Variants in HDAC9 observed in about 807,000 individuals in gnomAD.
The protein encoded by HDAC9 is MEF-2 interacting transcription repressor (MITR) protein.
HDAC9 carries 41 observed loss-of-function variants against 139.4 expected under a neutral mutation model. The observed-to-expected ratio is 0.29, with a 90% CI of 0.23 to 0.38. The LOEUF (loss-of-function observed/expected upper bound fraction) is 0.38. Ranked by LOEUF, HDAC9 falls within the 10% of genes least tolerant of loss-of-function variation. HDAC9 has a pLI of 1.00. For missense variants in HDAC9, 1,147 were observed against 1,297.0 expected, an observed-to-expected ratio of 0.88 and a Z score of 1.78; for synonymous variants, 517 against 476.2, an observed-to-expected ratio of 1.09 and a Z score of -1.12.
intron 2 of HDAC9, among the ~76,000 whole-genome samples, chr7:18,263,815 C>T (rs976595710): frequency 6.6e-6 from 1 of 151,980 alleles, no homozygotes; most frequent in African/African-American, 2.4e-5. Context: ...GATGGGGTTT[C>T]GCCATGTTCA....
rs570098075 is a variant in HDAC9, at chr7:19,001,820, C to T, written c.*5758C>T. ...AGGTTACAGCCTCAGCAATCTGTGT[C>T]ATTTGAAAGCAAATATCCTGATATT... On this transcript the variant is annotated 3_prime_UTR_variant, in exon 26 of 26. Coordinates refer to ENST00000686413, the MANE Select transcript of HDAC9 (RefSeq NM_178425.4). 6 of 152,160 alleles carry T rather than the reference C, an allele frequency of 3.9e-5. No individual in the cohort carries two copies. The highest frequency in any genetic ancestry group is 2.1e-4 in the South Asian group (1 of 4,822). The allele number at this position is 152,160 out of a possible 1,614,324, so 9.4% of individuals were successfully genotyped here. A position where few individuals can be genotyped will look rare whatever the true frequency, so the allele number is the denominator to read the frequency against.
At chr7:18,658,906 A>C (rs1792186511) in intron 11 of HDAC9, among the ~76,000 whole-genome samples, 1 of 151,466 alleles carries the variant, frequency 6.6e-6, no homozygotes, top group Admixed American at 6.6e-5. Flanking sequence ...AAGCAAAAAA[A>C]AAAAAAACAA....
At chr7:18,514,630 A>G (rs922641231) in intron 2 of HDAC9, among the ~76,000 whole-genome samples, 2 of 152,162 alleles carry the variant, frequency 1.3e-5, no homozygotes, top group African/African-American at 2.4e-5. Context: ...TTTTTTCCCC[A>G]GTTTATTTTA....
At chr7:18,251,405 A>C (rs1198053783) in intron 2 of HDAC9, among the ~76,000 whole-genome samples, 1 of 152,088 alleles carries the variant, frequency 6.6e-6, no homozygotes, top group Admixed American at 6.5e-5. Flanking sequence ...TAGCTAATGG[A>C]TTCTGGGCTT....
rs757689693 is a variant in HDAC9, at chr7:18,719,331, C to CTTTTTTTTTTTTTTTTTTTTTT, written c.1732-8244_1732-8223dup. On this transcript the variant is annotated intron_variant, in intron 12 of 25. Coordinates refer to ENST00000686413, the MANE Select transcript of HDAC9 (RefSeq NM_178425.4). ...CTAATTAACCTATTTTTTTCTCTTC[C>CTTTTTTTTTTTTTTTTTTTTTT]TTTTTTTTTTTTTTTTTTTTTTTTT... 1.2e-3 allele frequency among the ~76,000 whole-genome samples: 90 copies of CTTTTTTTTTTTTTTTTTTTTTT among 73,910 alleles called. 7 individuals carry two copies. Among genetic ancestry groups the CTTTTTTTTTTTTTTTTTTTTTT allele is most frequent in the East Asian group, 2.2e-3 (5 of 2,232 alleles). 48.5% of individuals were successfully genotyped at this position (73,910 alleles called of 152,430 possible). A position where few individuals can be genotyped will look rare whatever the true frequency, so the allele number is the denominator to read the frequency against.
intron 2 of HDAC9, 141 bp from the exon 3 acceptor site, chr7:18,585,140 G>A (rs1045678893): frequency 4.4e-6 from 4 of 899,284 alleles, no homozygotes; most frequent in Admixed American, 4.6e-5. Flanking sequence ...TATCATCATT[G>A]TAAAGAAATG....
At chr7:18,721,263 T>A (rs1420657513) in intron 12 of HDAC9, among the ~76,000 whole-genome samples, 1 of 152,150 alleles carries the variant, frequency 6.6e-6, no homozygotes, top group South Asian at 2.1e-4. Context: ...TGTATCTCTC[T>A]CCTATTGCCC....
intron 2 of HDAC9, among the ~76,000 whole-genome samples, chr7:18,163,708 T>G (rs1448033724): frequency 2.0e-5 from 3 of 152,214 alleles, no homozygotes; most frequent in Non-Finnish European, 4.4e-5. Flanking sequence ...TTCTTTCTGT[T>G]GGGATGAACT....
At chr7:18,353,187 T>C (rs2128676828) in intron 1 of HDAC9, among the ~76,000 whole-genome samples, 1 of 152,290 alleles carries the variant, frequency 6.6e-6, no homozygotes, top group Non-Finnish European at 1.5e-5. Context: ...TCTTCAGCAC[T>C]ATCTAGCTAT....
intron 25 of HDAC9, among the ~76,000 whole-genome samples, chr7:18,994,314 G>A (rs1055315468): frequency 6.6e-6 from 1 of 152,316 alleles, no homozygotes; most frequent in South Asian, 2.1e-4. Context: ...ATTCTCAGAT[G>A]TAAATAAGGC....
intron 1 of HDAC9, among the ~76,000 whole-genome samples, chr7:18,149,744 C>G (rs1176615665): frequency 6.6e-6 from 1 of 151,912 alleles, no homozygotes; most frequent in Non-Finnish European, 1.5e-5. Flanking sequence ...TTAGTAGAGA[C>G]AGGGTTTCAC....
At chr7:18,263,421 G>T (rs560561859) in intron 2 of HDAC9, among the ~76,000 whole-genome samples, 1 of 152,224 alleles carries the variant, frequency 6.6e-6, no homozygotes, top group Non-Finnish European at 1.5e-5. Context: ...TTAAAAGAAA[G>T]GTACTGAGGT....
chr7:18,099,319 T>C lies in HDAC9; in HGVS notation c.-97+12106T>C, dbSNP rs376016351. Among the ~76,000 whole-genome samples, 42 of 151,836 alleles carry C rather than the reference T, an allele frequency of 2.8e-4. No homozygotes were observed. The South Asian group carries it at 4.8e-3, about 17-fold the overall frequency. Reference sequence around the variant, plus strand: ...TACTAAAAATACAAAAAAGAAAAAATTAGCTGGGTGCGGTGGTGGGCACCT... The same window carrying C: ...TACTAAAAATACAAAAAAGAAAAAACTAGCTGGGTGCGGTGGTGGGCACCT... On this transcript the variant is annotated intron_variant, in intron 1 of 12. Coordinates refer to the HDAC9 transcript ENST00000417496.
chr7:18,170,576 T>G (rs563007609), intron 2 of HDAC9, among the ~76,000 whole-genome samples: 46 of 152,312 alleles, frequency 3.0e-4, no homozygotes, highest in African/African-American at 9.4e-4. Flanking sequence ...TTTTATGGTT[T>G]TAGGTCTAAC....
intron 1 of HDAC9, among the ~76,000 whole-genome samples, chr7:18,459,695 A>G (rs1227024035): frequency 6.7e-6 from 1 of 149,450 alleles, no homozygotes; most frequent in Non-Finnish European, 1.5e-5. Context: ...ATTATGCTGG[A>G]GCCTAGTAGA....
At chr7:18,098,781 G>C (rs1366859309) in intron 1 of HDAC9, among the ~76,000 whole-genome samples, 4 of 152,148 alleles carry the variant, frequency 2.6e-5, no homozygotes, top group African/African-American at 4.8e-5. Context: ...TTGTAGATGT[G>C]CTCTTGAATA....
At chr7:18,272,968 T>C (rs376255958) in intron 2 of HDAC9, among the ~76,000 whole-genome samples, 1 of 137,020 alleles carries the variant, frequency 7.3e-6, no homozygotes, top group South Asian at 2.3e-4. Context: ...ACTACTACTA[T>C]TTCTTCCTCC....
chr7:18,197,799 A>G (rs1053817224), intron 2 of HDAC9, among the ~76,000 whole-genome samples: 3 of 152,146 alleles, frequency 2.0e-5, no homozygotes, highest in African/African-American at 7.2e-5. Flanking sequence ...ATTTGTAGAC[A>G]TTGTTTTTTC....
chr7:18,284,245 A>G (rs1797289829), intron 2 of HDAC9, among the ~76,000 whole-genome samples: 1 of 152,180 alleles, frequency 6.6e-6, no homozygotes, highest in Non-Finnish European at 1.5e-5. Context: ...ATAGAATTAT[A>G]AATTTAATTT....
Sources: allele counts gnomAD v4.1 joint callset (sites outside exome capture counted in the v4.1 genomes callset), GRCh38; gene constraint gnomAD v4.1.1; transcripts MANE v1.5; gene names NCBI Gene and HGNC (gene_info 2026-07-23, HGNC 2026-07-21).